TSHZ3: variants seen among roughly 807,000 people sequenced by gnomAD.
The protein encoded by TSHZ3 is teashirt zinc finger homeobox 3, also known as teashirt homolog 3.
TSHZ3 carries 10 observed loss-of-function variants against 64.5 expected under a neutral mutation model. The ratio of observed to expected loss-of-function variants is 0.16; its 90% CI spans 0.10 to 0.26. The LOEUF (loss-of-function observed/expected upper bound fraction) is 0.26, where lower values mean the gene tolerates loss of function less well. TSHZ3 is among the 10% of genes least tolerant of loss of function. The pLI is 1.00. For missense variants in TSHZ3, 1,242 were observed against 1,421.7 expected (o/e 0.87, Z 2.03); for synonymous variants, 608 against 593.1 (o/e 1.03, Z -0.36).
chr19:31,291,773 C>A (rs1976569537), intron 1 of TSHZ3, among the ~76,000 whole-genome samples: 1 of 152,208 alleles, frequency 6.6e-6, no homozygotes, highest in African/African-American at 2.4e-5. Context: ...CATGGGGAGT[C>A]CATACACTCA....
chr19:31,317,205 C>T (rs894936883), intron 1 of TSHZ3, among the ~76,000 whole-genome samples: 40 of 152,238 alleles, frequency 2.6e-4, no homozygotes, highest in African/African-American at 8.2e-4. Flanking sequence ...GGCATGCCCC[C>T]AGCCCCAGCC....
intron 1 of TSHZ3, among the ~76,000 whole-genome samples, chr19:31,326,133 C>A (rs367550813): frequency 1.3e-5 from 2 of 152,122 alleles, no homozygotes; most frequent in Non-Finnish European, 2.9e-5. Flanking sequence ...AAAACAGGTA[C>A]AACATGGAGT....
intron 5 of TSHZ3, among the ~76,000 whole-genome samples, chr19:31,189,494 T>G (rs775302160): frequency 1.1e-3 from 171 of 152,134 alleles, no homozygotes; most frequent in Non-Finnish European, 2.0e-3. Flanking sequence ...TTCCTTTTGA[T>G]GAGTAGGTTA....
intron 5 of TSHZ3, among the ~76,000 whole-genome samples, chr19:31,182,817 T>C (rs1455074594): frequency 6.6e-6 from 1 of 152,216 alleles, no homozygotes; most frequent in Non-Finnish European, 1.5e-5. Context: ...TCATGGGCCC[T>C]AAAATAGGTA....
intron 1 of TSHZ3, chr19:31,348,924 A>AC: frequency 4.3e-6 from 2 of 460,914 alleles, no homozygotes; most frequent in Non-Finnish European, 7.7e-6. Context: ...GGAGGTAGGG[A>AC]CCTGGCGCGG....
Position 31,325,302 on chromosome 19 carries a change from G to A in TSHZ3, c.40+23878C>T, listed in dbSNP as rs938632706. On this transcript the variant is annotated intron_variant, in intron 1 of 1. Transcript: ENST00000240587. ...AACTTAGGCTGGTCTCAGTTTTCCC[G>A]TCCATCCAATGAGGCTGTCCCTGCA... Among the ~76,000 whole-genome samples the A allele has an allele frequency of 5.3e-5, 8 of 152,192 alleles. No homozygotes were observed. In the East Asian group the frequency reaches 7.7e-4, roughly 15 times the overall value.
intron 6 of TSHZ3, among the ~76,000 whole-genome samples, chr19:31,153,188 A>C (rs1568331373): frequency 6.6e-6 from 1 of 152,204 alleles, no homozygotes; most frequent in Admixed American, 6.5e-5. Context: ...ACCGTGTGAC[A>C]TAAGATACTG....
chr19:31,189,556 T>C (rs1974868622), intron 5 of TSHZ3, among the ~76,000 whole-genome samples: 1 of 151,722 alleles, frequency 6.6e-6, no homozygotes, highest in Non-Finnish European at 1.5e-5. Context: ...CCAAATGTAT[T>C]TGTCATTTTT....
intron 1 of TSHZ3, among the ~76,000 whole-genome samples, chr19:31,300,579 T>G (rs1435038757): frequency 6.6e-6 from 1 of 152,134 alleles, no homozygotes; most frequent in Non-Finnish European, 1.5e-5. Flanking sequence ...CTGGCCCAGG[T>G]CCAGGCCTCT....
At chr19:31,311,566 G>A (rs1253804735) in intron 1 of TSHZ3, among the ~76,000 whole-genome samples, 1 of 152,168 alleles carries the variant, frequency 6.6e-6, no homozygotes, top group Non-Finnish European at 1.5e-5. Context: ...AGAAGGTGCT[G>A]CACTGTGAAG....
At position 31,278,910 on chromosome 19, in the gene TSHZ3, T is replaced by G; in HGVS notation, c.883A>C (p.Ile295Leu). ...ACTTTTTGGTAGTGTTTTGTTTTGA[T>G]CATATGGACACTCAAATCCTGCAGG... Reference protein sequence around the residue: ...ESLQDLSVHMIKTKHYQKVPL... With the variant: ...ESLQDLSVHMLKTKHYQKVPL... The change falls in exon 2 of 2, where the codon ATC (isoleucine) becomes CTC (leucine). Residue 295 changes from isoleucine (I) to leucine (L), a missense_variant. Ile to Leu is a conservative substitution (Grantham distance 5). Transcript: ENST00000240587. The surrounding 1 kb of genome is among the most constrained non-coding windows in gnomAD (Gnocchi z 4.7). The G allele has an allele frequency of 6.2e-7, 1 of 1,614,020 alleles. No homozygotes were observed. The highest frequency in any genetic ancestry group is 8.5e-7 in the Non-Finnish European group (1 of 1,180,016).
At chr19:31,264,718 T>TC (rs1013842301) in intron 1 of TSHZ3, among the ~76,000 whole-genome samples, 7 of 152,022 alleles carry the variant, frequency 4.6e-5, no homozygotes, top group Non-Finnish European at 8.8e-5. Context: ...TTCTTTTTTT[T>TC]TTTTTTTAAG....
At chr19:31,217,554 T>C (rs73927309) in intron 4 of TSHZ3, among the ~76,000 whole-genome samples, 1,962 of 152,302 alleles carry the variant, frequency 0.013, 38 homozygotes, top group African/African-American at 0.043. Flanking sequence ...AGATTTCCCA[T>C]GTGCCCCCTG....
intron 4 of TSHZ3, among the ~76,000 whole-genome samples, chr19:31,216,571 C>T (rs1365773703): frequency 1.3e-5 from 2 of 151,982 alleles, no homozygotes; most frequent in Non-Finnish European, 2.9e-5. Flanking sequence ...GCCTCAGCCT[C>T]CCGGGTAGCT....
intron 1 of TSHZ3, among the ~76,000 whole-genome samples, chr19:31,267,919 G>A (rs144546843): frequency 3.2e-4 from 48 of 152,276 alleles, no homozygotes; most frequent in African/African-American, 1.2e-3. Context: ...GACAAGTGCA[G>A]TAAGAAGGCA....
At position 31,275,377 on chromosome 19, in the gene TSHZ3, A is replaced by G. The variant is rs554200004; in HGVS notation, c.*1170T>C. The G allele has an allele frequency of 1.3e-5, 2 of 152,754 alleles. No individual in the cohort carries two copies. Among genetic ancestry groups the G allele is most frequent in the Non-Finnish European group, 2.9e-5 (2 of 68,034 alleles). The allele number at this position is 152,754 out of a possible 1,614,324, so 9.5% of individuals were successfully genotyped here. Reference sequence around the variant, plus strand: ...TCATGACTTTTAAGCAAAGTATTACAGTACAAACATTTTAAAGGCTTTATC... The same window carrying G: ...TCATGACTTTTAAGCAAAGTATTACGGTACAAACATTTTAAAGGCTTTATC... On this transcript the variant is annotated 3_prime_UTR_variant, in exon 2 of 2. Transcript: ENST00000240587.
At chr19:31,331,989 G>A (rs1312076955) in intron 1 of TSHZ3, among the ~76,000 whole-genome samples, 3 of 152,148 alleles carry the variant, frequency 2.0e-5, no homozygotes, top group Non-Finnish European at 4.4e-5. Context: ...ATAAAACCAA[G>A]GGTGTTCCCT....
chr19:31,295,672 C>A (rs940122963), intron 1 of TSHZ3, among the ~76,000 whole-genome samples: 1 of 152,112 alleles, frequency 6.6e-6, no homozygotes. Context: ...GCCTCTGGAC[C>A]TGGGCCCTGG....
intron 1 of TSHZ3, among the ~76,000 whole-genome samples, chr19:31,261,923 C>T (rs1299601639): frequency 2.6e-5 from 4 of 152,208 alleles, no homozygotes; most frequent in Non-Finnish European, 5.9e-5. Flanking sequence ...CAGCCCCCTC[C>T]ACCCCAATGA....
Sources: allele counts gnomAD v4.1 joint callset (sites outside exome capture counted in the v4.1 genomes callset), GRCh38; gene constraint gnomAD v4.1.1; non-coding constraint Gnocchi (gnomAD v3.1); transcripts MANE v1.5; gene names NCBI Gene and HGNC (gene_info 2026-07-23, HGNC 2026-07-21).